The following UNC13C variants were observed in gnomAD, a reference collection of about 807,000 sequenced individuals.
UNC13C encodes unc-13 homolog C.
A neutral mutation model predicts 245.4 loss-of-function variants in UNC13C; 174 were observed. That is an observed-to-expected ratio of 0.71 (90% CI 0.63 to 0.80). The LOEUF (loss-of-function observed/expected upper bound fraction) is 0.80. UNC13C is among the 30% of genes least tolerant of loss of function. The probability of loss-of-function intolerance (pLI) is 0.00; values close to 1 mark genes in which losing one functional copy is unlikely to be tolerated. For synonymous variants in UNC13C, 992 were observed against 895.1 expected, an observed-to-expected ratio of 1.11 and a Z score of -1.93; for missense variants, 2,829 against 2,602.9, an observed-to-expected ratio of 1.09 and a Z score of -1.89.
In UNC13C at chr15:54,224,336, G is replaced by T. The variant is rs556527412; in HGVS notation, c.3072-10694G>T. ...TTCTGGGAATTTGAAGGCTTTTATA[G>T]TGAAGGAATATTGAATGTCATCAAA... On this transcript the variant is annotated intron_variant, in intron 4 of 32. Coordinates refer to ENST00000260323, the MANE Select transcript of UNC13C (RefSeq NM_001080534.3). 1.9e-3 allele frequency among the ~76,000 whole-genome samples: 292 copies of T among 152,112 alleles called. 2 individuals are homozygous for T. The highest frequency in any genetic ancestry group is 6.6e-3 in the African/African-American group (275 of 41,522).
intron 31 of UNC13C, 118 bp downstream of exon 31, chr15:54,622,537 A>T (rs1419437699): frequency 5.4e-6 from 4 of 737,666 alleles, no homozygotes; most frequent in Non-Finnish European, 8.7e-6. Context: ...TAGGGCATGC[A>T]CAAAATTTCC....
intron 2 of UNC13C, among the ~76,000 whole-genome samples, chr15:54,104,414 C>A (rs1450703441): frequency 6.6e-6 from 1 of 152,046 alleles, no homozygotes; most frequent in African/African-American, 2.4e-5. Flanking sequence ...TTCCCCCTGG[C>A]CACACACAAA....
intron 2 of UNC13C, among the ~76,000 whole-genome samples, chr15:54,037,362 G>A (rs377126262): frequency 2.6e-5 from 4 of 152,094 alleles, no homozygotes; most frequent in South Asian, 4.1e-4. Flanking sequence ...AGTTTAAACC[G>A]TCTGTTCCCT....
At chr15:54,174,638 C>T (rs1208563173) in intron 4 of UNC13C, among the ~76,000 whole-genome samples, 1 of 152,138 alleles carries the variant, frequency 6.6e-6, no homozygotes, top group Non-Finnish European at 1.5e-5. Context: ...AAATATGATT[C>T]TATCTTAATC....
At chr15:54,190,862 GT>G (rs1405079367) in intron 4 of UNC13C, among the ~76,000 whole-genome samples, 1 of 151,866 alleles carries the variant, frequency 6.6e-6, no homozygotes, top group African/African-American at 2.4e-5. Context: ...TTTATAATCT[GT>G]TTTGTTCTCT....
chr15:54,186,881 C>T (rs28505505), intron 4 of UNC13C, among the ~76,000 whole-genome samples: 12,648 of 133,258 alleles, frequency 0.095, 809 homozygotes, highest in African/African-American at 0.17. Flanking sequence ...CAGAGTCTTG[C>T]TCTGTCACCG....
At chr15:53,991,667 A>C (rs932839246) in intron 1 of UNC13C, among the ~76,000 whole-genome samples, 10 of 152,026 alleles carry the variant, frequency 6.6e-5, no homozygotes, top group Admixed American at 6.6e-4. Context: ...TAGGAACTGC[A>C]TTCTATTAGC....
chr15:54,308,383 T>A (rs1014574662), intron 13 of UNC13C, among the ~76,000 whole-genome samples: 1 of 151,920 alleles, frequency 6.6e-6, no homozygotes, highest in Non-Finnish European at 1.5e-5. Context: ...TTTTTAAAAA[T>A]TGATTGATAA....
chr15:54,415,247 A>G (rs1028243627), intron 19 of UNC13C, among the ~76,000 whole-genome samples, 180 bp downstream of exon 19: 2 of 152,164 alleles, frequency 1.3e-5, no homozygotes, highest in Non-Finnish European at 2.9e-5. Flanking sequence ...AAAAAGCCCT[A>G]AAGAAGTATA....
chr15:54,467,148 T>C (rs564319038), intron 19 of UNC13C, among the ~76,000 whole-genome samples: 1 of 151,856 alleles, frequency 6.6e-6, no homozygotes, highest in Admixed American at 6.6e-5. Context: ...GAAATACAGC[T>C]GTGAACAAGA....
intron 30 of UNC13C, among the ~76,000 whole-genome samples, chr15:54,579,481 G>A (rs62023996): frequency 0.061 from 9,229 of 152,124 alleles, 468 homozygotes; most frequent in Admixed American, 0.13. Flanking sequence ...TCTCTTGGCC[G>A]GGCATGGTGG....
At chr15:53,924,004 C>T in the UNC13C span, among the ~76,000 whole-genome samples, 3 of 152,000 alleles carry the variant, frequency 2.0e-5, no homozygotes, top group South Asian at 2.1e-4. Context: ...GTCGGGAGTT[C>T]GGGACCAGCC....
chr15:54,399,776 A>T (rs890645826), intron 18 of UNC13C, among the ~76,000 whole-genome samples: 1 of 151,856 alleles, frequency 6.6e-6, no homozygotes, highest in Non-Finnish European at 1.5e-5. Flanking sequence ...TAAAGATAGG[A>T]TGTTTTATTT....
intron 30 of UNC13C, among the ~76,000 whole-genome samples, chr15:54,585,369 C>T (rs1898433958): frequency 6.6e-6 from 1 of 152,128 alleles, no homozygotes; most frequent in Non-Finnish European, 1.5e-5. Flanking sequence ...GTGCCAGCTC[C>T]CCCTTTGCTT....
chr15:54,595,281 C>T lies in UNC13C; in HGVS notation c.6107-27046C>T, dbSNP rs564293060. On this transcript the variant is annotated intron_variant, in intron 30 of 32. Coordinates refer to ENST00000260323, the MANE Select transcript of UNC13C (RefSeq NM_001080534.3). ...TAAGGACATGAAGGCAATAAGGAGACTTTTCTCCTCAGAGGCCACCCATGG... is the reference window on the plus strand; with the variant it reads ...TAAGGACATGAAGGCAATAAGGAGATTTTTCTCCTCAGAGGCCACCCATGG... Among the ~76,000 whole-genome samples, 29 of 152,130 alleles carry T rather than the reference C, an allele frequency of 1.9e-4. No homozygotes were observed. The South Asian group carries it at 6.0e-3, about 32-fold the overall frequency.
chr15:54,359,420 A>G (rs561354990), intron 17 of UNC13C, among the ~76,000 whole-genome samples: 10 of 152,000 alleles, frequency 6.6e-5, no homozygotes, highest in Admixed American at 4.6e-4. Flanking sequence ...TAAATATTTG[A>G]TAATTCAATA....
chr15:53,884,122 AG>A, the UNC13C span, among the ~76,000 whole-genome samples: 152,274 of 152,274 alleles, frequency 1, 76,137 homozygotes, highest in Non-Finnish European at 1. Flanking sequence ...TTAACAAAAG[AG>A]GAGTCACAGA....
chr15:54,014,922 G>A lies in UNC13C; in HGVS notation c.2019G>A (p.Gln673=). 1.2e-6 allele frequency: 2 copies of A among 1,613,912 alleles called. No individual in the cohort carries two copies. Among genetic ancestry groups the A allele is most frequent in the Non-Finnish European group, 1.7e-6 (2 of 1,179,842 alleles). Residue 673 remains glutamine, a synonymous_variant, in exon 2 of 33, where the codon CAG becomes CAA. Transcript: ENST00000260323. ...ATTTAGGCTTGGATTCATCCACCCAGGAAGGTTTTGATTATGAAACAAACA... is the reference window on the plus strand; with the variant it reads ...ATTTAGGCTTGGATTCATCCACCCAAGAAGGTTTTGATTATGAAACAAACA... The part of the protein sequence containing the change: ...GADLGLDSST[Q]EGFDYETNSL...
chr15:54,475,464 C>A (rs532406547), intron 19 of UNC13C, among the ~76,000 whole-genome samples: 44 of 151,856 alleles, frequency 2.9e-4, no homozygotes, highest in African/African-American at 6.8e-4. Context: ...CCTCTCCCCC[C>A]ACCCCACAAC....
Sources: allele counts gnomAD v4.1 joint callset (sites outside exome capture counted in the v4.1 genomes callset), GRCh38; gene constraint gnomAD v4.1.1; transcripts MANE v1.5; gene names NCBI Gene and HGNC (gene_info 2026-07-23, HGNC 2026-07-21).